The following SPICE1 variants were observed in gnomAD, a reference collection of about 807,000 sequenced individuals.
SPICE1 encodes the protein spindle and centriole-associated protein 1.
Under a neutral mutation model 102.7 loss-of-function variants are expected in SPICE1, and 75 were observed. The observed-to-expected ratio is 0.73, with a 90% confidence interval of 0.61 to 0.88. The LOEUF (loss-of-function observed/expected upper bound fraction) is 0.88, where lower values mean the gene tolerates loss of function less well. Ranked by LOEUF, SPICE1 falls within the 40% of genes least tolerant of loss-of-function variation. The pLI is 0.00. For missense variants in SPICE1, 979 were observed against 1,020.1 expected, an observed-to-expected ratio of 0.96 and a Z score of 0.55; for synonymous variants, 308 against 350.3, an observed-to-expected ratio of 0.88 and a Z score of 1.35.
At chr3:113,499,708 T>TTA (rs1936971844) in intron 3 of SPICE1, 126 bp from the exon 4 acceptor site, 5 of 944,976 alleles carry the variant, frequency 5.3e-6, no homozygotes, top group Non-Finnish European at 7.1e-6. Context: ...ATGTGCATGT[T>TTA]TATATATATT....
intron 11 of SPICE1, among the ~76,000 whole-genome samples, chr3:113,461,592 A>C (rs74685277): frequency 0.018 from 2,696 of 152,244 alleles, 89 homozygotes; most frequent in African/African-American, 0.061. Context: ...ATGCTCATCT[A>C]AGTTATGTAT....
intron 3 of SPICE1, among the ~76,000 whole-genome samples, chr3:113,501,868 A>T (rs1937013796): frequency 6.6e-6 from 1 of 152,234 alleles, no homozygotes; most frequent in Admixed American, 6.5e-5. Flanking sequence ...AAATATGGAG[A>T]AATTATATGA....
At chr3:113,473,908 A>T (rs1483056497) in intron 7 of SPICE1, among the ~76,000 whole-genome samples, 1 of 152,140 alleles carries the variant, frequency 6.6e-6, no homozygotes, top group South Asian at 2.1e-4. Flanking sequence ...CTAACATCAT[A>T]ATGACAGGAT....
In SPICE1 at chr3:113,450,523, G is replaced by C; in HGVS notation, c.2143-7C>G. 1 of 1,525,334 alleles carries C rather than the reference G, an allele frequency of 6.6e-7. No homozygotes were observed. 94.5% of individuals were successfully genotyped at this position (1,525,334 alleles called of 1,614,324 possible). On this transcript the variant is annotated splice_polypyrimidine_tract_variant and splice_region_variant and intron_variant, in intron 14 of 17. Transcript: ENST00000295872. ...ACTGTGCTACTGGAAAAGTCTTTGG[G>C]AGAAAAAAAAAAAAAGTACAAATTG...
chr3:113,491,447 C>T (rs946820981), intron 6 of SPICE1, among the ~76,000 whole-genome samples: 9 of 150,822 alleles, frequency 6.0e-5, no homozygotes, highest in Admixed American at 1.3e-4. Context: ...GGTGAAACCC[C>T]GTCTCTACTA....
intron 1 of SPICE1, 45 bp from the exon 2 acceptor site, chr3:113,506,650 C>A (rs74467704): frequency 1.9e-5 from 28 of 1,449,110 alleles, no homozygotes; most frequent in South Asian, 6.1e-5. Flanking sequence ...CAAGAAAAAA[C>A]AATAAGCATC....
chr3:113,491,417 G>A (rs1474571104), intron 6 of SPICE1, among the ~76,000 whole-genome samples: 2 of 151,394 alleles, frequency 1.3e-5, no homozygotes, highest in African/African-American at 4.9e-5. Context: ...TCAGGAGATC[G>A]AGACCATCCT....
At chr3:113,478,300 CA>C (rs1397097456) in intron 7 of SPICE1, among the ~76,000 whole-genome samples, 1 of 151,996 alleles carries the variant, frequency 6.6e-6, no homozygotes, top group Non-Finnish European at 1.5e-5. Flanking sequence ...GCATTGTATA[CA>C]AGAGACATAC....
chr3:113,476,674 A>G (rs1936356803), intron 7 of SPICE1, among the ~76,000 whole-genome samples: 1 of 150,956 alleles, frequency 6.6e-6, no homozygotes, highest in Admixed American at 6.6e-5. Flanking sequence ...GAGAAAAACA[A>G]GCAATGGGGA....
chr3:113,482,276 T>C (rs535374226), intron 7 of SPICE1, among the ~76,000 whole-genome samples: 1 of 152,318 alleles, frequency 6.6e-6, no homozygotes, highest in Admixed American at 6.5e-5. Context: ...TCTTGTAAAT[T>C]TGTTTAAGTT....
intron 11 of SPICE1, among the ~76,000 whole-genome samples, chr3:113,463,943 C>T (rs2107458581): frequency 1.3e-5 from 2 of 152,274 alleles, no homozygotes; most frequent in East Asian, 3.9e-4. Flanking sequence ...TGGCAGGCGC[C>T]TGTAGTCCCA....
At chr3:113,472,686 G>A (rs1409733758) in intron 7 of SPICE1, among the ~76,000 whole-genome samples, 3 of 152,196 alleles carry the variant, frequency 2.0e-5, no homozygotes, top group African/African-American at 7.2e-5. Context: ...GGTCTGGAGT[G>A]GACCTCTAGC....
At chr3:113,457,555 G>C (rs567043009) in intron 12 of SPICE1, among the ~76,000 whole-genome samples, 198 bp from the exon 13 acceptor site, 2 of 152,160 alleles carry the variant, frequency 1.3e-5, no homozygotes, top group Non-Finnish European at 2.9e-5. Context: ...CTAGTACTGA[G>C]AAGTTACTAT....
At chr3:113,492,082 C>T (rs1368283143) in intron 6 of SPICE1, among the ~76,000 whole-genome samples, 3 of 152,156 alleles carry the variant, frequency 2.0e-5, no homozygotes, top group African/African-American at 7.2e-5. Flanking sequence ...GTTGAACATA[C>T]TACAGCAATA....
At chr3:113,466,056 A>G (rs1422104245) in intron 10 of SPICE1, among the ~76,000 whole-genome samples, 2 of 152,216 alleles carry the variant, frequency 1.3e-5, no homozygotes, top group African/African-American at 4.8e-5. Flanking sequence ...AGGGATATAC[A>G]TATACATATT....
intron 7 of SPICE1, among the ~76,000 whole-genome samples, chr3:113,477,633 G>A (rs940189326): frequency 2.0e-5 from 3 of 152,088 alleles, no homozygotes; most frequent in African/African-American, 7.2e-5. Flanking sequence ...CATGTCCTTT[G>A]TAGGGACATG....
intron 3 of SPICE1, among the ~76,000 whole-genome samples, chr3:113,500,934 T>A (rs936911798): frequency 1.3e-5 from 2 of 152,306 alleles, no homozygotes; most frequent in African/African-American, 4.8e-5. Flanking sequence ...AGATGTCATA[T>A]ACTCAATGCC....
At position 113,457,228 on chromosome 3, in the gene SPICE1, G is replaced by A. The variant is rs1349614296; in HGVS notation, c.1565C>T (p.Ala522Val). 6.2e-7 allele frequency: 1 copy of A among 1,614,016 alleles called. No homozygotes were observed. Among genetic ancestry groups the A allele is most frequent in the Non-Finnish European group, 8.5e-7 (1 of 1,180,028 alleles). The change falls in exon 13 of 18, where the codon GCC becomes GTC. Residue 522 changes from alanine to valine, a missense_variant. Ala to Val is a moderately conservative substitution (Grantham distance 64). Transcript: ENST00000295872. ...AAAAATATGTGCTGGAAAATTCTTGGCCAGATTCATGTTATCTGGAGGGTC... is the reference window on the plus strand; with the variant it reads ...AAAAATATGTGCTGGAAAATTCTTGACCAGATTCATGTTATCTGGAGGGTC... ...VPDPPDNMNL[A>V]KNFPAHIFEP...
chr3:113,468,473 T>A (rs1936117136), intron 9 of SPICE1, 69 bp from the exon 10 acceptor site: 1 of 1,506,894 alleles, frequency 6.6e-7, no homozygotes, highest in Non-Finnish European at 9.0e-7. Flanking sequence ...ACTAGAAAAA[T>A]CTTTTGACTA....
Sources: allele counts gnomAD v4.1 joint callset (sites outside exome capture counted in the v4.1 genomes callset), GRCh38; gene constraint gnomAD v4.1.1; transcripts MANE v1.5; gene names NCBI Gene and HGNC (gene_info 2026-07-23, HGNC 2026-07-21).